Variants in CNTN4 observed in about 807,000 individuals in gnomAD.
The protein encoded by CNTN4 is contactin 4.
A neutral mutation model predicts 122.5 loss-of-function variants in CNTN4; 77 were observed. The observed-to-expected ratio is 0.63, with a 90% CI of 0.52 to 0.76. The LOEUF (loss-of-function observed/expected upper bound fraction) is 0.76. CNTN4 is among the 30% of genes least tolerant of loss of function. The pLI is 0.00. For missense variants in CNTN4, 1,256 were observed against 1,259.1 expected (o/e 1.00, Z 0.04); for synonymous variants, 512 against 447.0 (o/e 1.15, Z -1.83).
chr3:2,526,362 A>T lies in CNTN4; in HGVS notation c.-88-45054A>T, dbSNP rs772353385. The stretch of plus-strand genomic sequence containing the variant: ...CTACATTTTATGGCATATTTAAAGG[A>T]CAAATTCTTCCCTATGACTAAAATT... On this transcript the variant is annotated intron_variant, in intron 3 of 24. Coordinates refer to ENST00000418658, the MANE Select transcript of CNTN4 (RefSeq NM_175607.3). 5.6e-4 allele frequency among the ~76,000 whole-genome samples: 85 copies of T among 152,198 alleles called. 2 individuals carry two copies. Among genetic ancestry groups the T allele is most frequent in the Non-Finnish European group, 1.3e-4 (9 of 68,032 alleles).
intron 12 of CNTN4, among the ~76,000 whole-genome samples, chr3:2,904,033 A>T (rs1049187442): frequency 3.3e-5 from 5 of 152,342 alleles, no homozygotes; most frequent in East Asian, 1.9e-4. Flanking sequence ...TAAAAAAAAA[A>T]GTTAAGACCA....
chr3:2,962,519 CTAAA>C (rs2094872000), intron 13 of CNTN4, among the ~76,000 whole-genome samples: 1 of 152,178 alleles, frequency 6.6e-6, no homozygotes, highest in African/African-American at 2.4e-5. Context: ...AGTTTTGAAA[CTAAA>C]TGAATCTAAG....
At chr3:2,944,963 G>C (rs929721215) in intron 13 of CNTN4, among the ~76,000 whole-genome samples, 6 of 152,132 alleles carry the variant, frequency 3.9e-5, no homozygotes, top group Admixed American at 3.9e-4. Context: ...CTTGAGGCAA[G>C]GGAATGTGGT....
At chr3:2,538,882 GATTT>G (rs954341616) in intron 3 of CNTN4, among the ~76,000 whole-genome samples, 49 of 149,894 alleles carry the variant, frequency 3.3e-4, no homozygotes, top group African/African-American at 1.1e-3. Context: ...TCTTTAATTT[GATTT>G]ATTACTTAAT....
At chr3:2,147,395 C>T (rs2035294968) in intron 2 of CNTN4, among the ~76,000 whole-genome samples, 2 of 151,886 alleles carry the variant, frequency 1.3e-5, no homozygotes, top group African/African-American at 4.8e-5. Context: ...AAAAAATTTG[C>T]AGTAATTTTA....
intron 4 of CNTN4, among the ~76,000 whole-genome samples, chr3:2,674,622 G>A (rs1337858951): frequency 6.6e-6 from 1 of 152,200 alleles, no homozygotes; most frequent in Non-Finnish European, 1.5e-5. Context: ...GCTGGGTGTG[G>A]TGGTGCATGC....
intron 3 of CNTN4, among the ~76,000 whole-genome samples, chr3:2,424,546 A>G (rs1377886703): frequency 3.3e-5 from 5 of 152,174 alleles, no homozygotes; most frequent in Non-Finnish European, 7.3e-5. Context: ...GTATCTTTAT[A>G]GCAGCATGAT....
intron 3 of CNTN4, among the ~76,000 whole-genome samples, chr3:2,444,957 A>G (rs2151309013): frequency 6.6e-6 from 1 of 151,952 alleles, no homozygotes; most frequent in South Asian, 2.1e-4. Context: ...CCTACCTCAC[A>G]TGCCTGAAAT....
intron 6 of CNTN4, among the ~76,000 whole-genome samples, chr3:2,776,081 T>C (rs1243369140): frequency 6.6e-6 from 1 of 152,184 alleles, no homozygotes; most frequent in Non-Finnish European, 1.5e-5. Flanking sequence ...ATTGAACTTA[T>C]TTGAACACAA....
chr3:2,764,454 C>T (rs997169751), intron 6 of CNTN4, among the ~76,000 whole-genome samples: 3 of 152,050 alleles, frequency 2.0e-5, no homozygotes, highest in African/African-American at 7.2e-5. Flanking sequence ...TCAAGGGATT[C>T]GAAGAAGACC....
intron 4 of CNTN4, among the ~76,000 whole-genome samples, chr3:2,684,987 A>G (rs2085357439): frequency 6.6e-6 from 1 of 152,226 alleles, no homozygotes; most frequent in Non-Finnish European, 1.5e-5. Context: ...GTGAAACGTA[A>G]AGATTACATT....
chr3:2,617,720 C>G lies in CNTN4; in HGVS notation c.55+46162C>G, dbSNP rs184105950. ...ACAGGTGTGAGCCACTGGTGGCCGA[C>G]CCGAGAAATGCCCTTTTTTTAAAGG... On this transcript the variant is annotated intron_variant, in intron 4 of 24. Transcript: ENST00000418658. 1.2e-3 allele frequency among the ~76,000 whole-genome samples: 190 copies of G among 152,010 alleles called. 1 individual carries two copies. The highest frequency in any genetic ancestry group is 3.4e-3 in the Middle Eastern group (1 of 294).
At chr3:3,020,657 A>C (rs1430401407) in intron 14 of CNTN4, among the ~76,000 whole-genome samples, 2 of 152,194 alleles carry the variant, frequency 1.3e-5, no homozygotes, top group Non-Finnish European at 2.9e-5. Context: ...TGGAAAGGTC[A>C]AATTAGTAGA....
intron 2 of CNTN4, among the ~76,000 whole-genome samples, chr3:2,261,624 C>G (rs2040836738): frequency 6.6e-6 from 1 of 152,130 alleles, no homozygotes; most frequent in Admixed American, 6.5e-5. Context: ...ACTATCAACA[C>G]CAACTATTCC....
chr3:2,233,558 G>C (rs7640384), intron 2 of CNTN4, among the ~76,000 whole-genome samples: 38,439 of 151,894 alleles, frequency 0.25, 5,106 homozygotes, highest in African/African-American at 0.3. Flanking sequence ...ATTATTTCCA[G>C]TGAACCAGGA....
intron 3 of CNTN4, among the ~76,000 whole-genome samples, chr3:2,567,456 C>T (rs1327249295): frequency 1.3e-5 from 2 of 152,138 alleles, no homozygotes; most frequent in Admixed American, 1.3e-4. Flanking sequence ...CTTCCAGCCT[C>T]TTTCCCCCTC....
rs369685437 is a variant in CNTN4 at position 2,626,915 on chromosome 3, G to A, written c.55+55357G>A. Among the ~76,000 whole-genome samples the A allele has an allele frequency of 1.4e-4, 21 of 152,318 alleles. 1 individual carries two copies. In the East Asian group the frequency reaches 2.9e-3, roughly 21 times the overall value. ...CCACATCACAGGGATGCCATGCAAGGGCAGTACACAGAAGTTTATCTGTGT... is the reference window on the plus strand; with the variant it reads ...CCACATCACAGGGATGCCATGCAAGAGCAGTACACAGAAGTTTATCTGTGT... On this transcript the variant is annotated intron_variant, in intron 4 of 24. Coordinates refer to ENST00000418658, the MANE Select transcript of CNTN4 (RefSeq NM_175607.3).
At chr3:2,471,003 A>C (rs1194974778) in intron 3 of CNTN4, among the ~76,000 whole-genome samples, 1 of 152,244 alleles carries the variant, frequency 6.6e-6, no homozygotes, top group Non-Finnish European at 1.5e-5. Flanking sequence ...TAACTGTTAC[A>C]TAAGACTCTG....
chr3:2,644,281 A>G (rs1000212892), intron 4 of CNTN4, among the ~76,000 whole-genome samples: 1 of 152,202 alleles, frequency 6.6e-6, no homozygotes, highest in African/African-American at 2.4e-5. Context: ...TTTATTTTAG[A>G]GTCTCAGAAT....
Sources: allele counts gnomAD v4.1 joint callset (sites outside exome capture counted in the v4.1 genomes callset), GRCh38; gene constraint gnomAD v4.1.1; transcripts MANE v1.5; gene names NCBI Gene and HGNC (gene_info 2026-07-23, HGNC 2026-07-21).